HEATR4: variants seen among roughly 807,000 people sequenced by gnomAD.
HEATR4 encodes HEAT repeat containing 4.
A neutral mutation model predicts 108.8 loss-of-function variants in HEATR4; 95 were observed. That is an observed-to-expected ratio of 0.87 (90% CI 0.74 to 1.04). The LOEUF is 1.04. Ranked by LOEUF, HEATR4 falls within the 50% of genes least tolerant of loss-of-function variation. HEATR4 has a pLI of 0.00. For missense variants in HEATR4, 1,152 were observed against 1,253.8 expected (o/e 0.92, Z 1.23); for synonymous variants, 443 against 459.4 (o/e 0.96, Z 0.46).
At chr14:73,511,947 G>C in intron 7 of HEATR4, 59 bp downstream of exon 7, 1 of 1,606,906 alleles carries the variant, frequency 6.2e-7, no homozygotes, top group Non-Finnish European at 8.5e-7. Flanking sequence ...TACCAGTTCA[G>C]ATGTTCCATG....
the HEATR4 span, chr14:73,612,605 C>T: frequency 4.9e-6 from 7 of 1,417,030 alleles, no homozygotes; most frequent in South Asian, 1.4e-5. Context: ...GCCCGCGGGC[C>T]GCTGCTGCTG....
chr14:73,571,259 G>A, the HEATR4 span: 990 of 155,326 alleles, frequency 6.4e-3, 5 homozygotes, highest in African/African-American at 0.022. Flanking sequence ...TCTTGGCCTC[G>A]AATGGTATCT....
At position 73,492,986 on chromosome 14, in the gene HEATR4, C is replaced by T. The variant is rs1885877545; in HGVS notation, c.2844+80G>A. The T allele has an allele frequency of 1.3e-6, 2 of 1,586,250 alleles. No individual in the cohort carries two copies. Among genetic ancestry groups the T allele is most frequent in the Non-Finnish European group, 1.7e-6 (2 of 1,171,752 alleles). On this transcript the variant is annotated intron_variant, in intron 17 of 17. Transcript: ENST00000553558. This position sits in a 1 kb window ranked among gnomAD's most constrained non-coding sequence, Gnocchi z 4.9. ...GAAACAAGGCAGTAGTGATTCTCCG[C>T]TGCCACTGCTACCTTTTTTTTTTTT...
chr14:73,579,105 A>G, the HEATR4 span, among the ~76,000 whole-genome samples: 1,420 of 150,494 alleles, frequency 9.4e-3, 18 homozygotes, highest in African/African-American at 0.033. Context: ...AAAAAAAAAA[A>G]AACAGCCAGG....
At chr14:73,506,038 G>A (rs1424321564) in intron 10 of HEATR4, among the ~76,000 whole-genome samples, 5 of 151,702 alleles carry the variant, frequency 3.3e-5, no homozygotes, top group Admixed American at 1.3e-4. Flanking sequence ...TTATAGGCGC[G>A]TGCCACCACA....
chr14:73,515,172 G>C (rs983640481), intron 5 of HEATR4, among the ~76,000 whole-genome samples: 1 of 152,058 alleles, frequency 6.6e-6, no homozygotes. Context: ...AAGCTCTATG[G>C]AGAAGGGGAA....
At chr14:73,524,310 A>AAAAAAAAATATATATATAT in intron 2 of HEATR4, among the ~76,000 whole-genome samples, 1 of 54,782 alleles carries the variant, frequency 1.8e-5, no homozygotes, top group African/African-American at 8.8e-5. Context: ...AAAAAAAAAA[A>AAAAAAAAATATATATATAT]ATATATATAT....
chr14:73,585,884 A>C, the HEATR4 span, among the ~76,000 whole-genome samples: 26,457 of 142,302 alleles, frequency 0.19, 4,553 homozygotes, highest in African/African-American at 0.46. Flanking sequence ...GCAGCAGCGC[A>C]ATCTCGGCTA....
intron 1 of HEATR4, among the ~76,000 whole-genome samples, chr14:73,548,733 A>T (rs567470782): frequency 8.7e-6 from 1 of 114,600 alleles, no homozygotes; most frequent in Admixed American, 9.9e-5. Context: ...AAGGAAAAAA[A>T]GTCTTAAGGT....
chr14:73,532,854 C>T (rs1888749670), intron 1 of HEATR4, among the ~76,000 whole-genome samples: 1 of 113,292 alleles, frequency 8.8e-6, no homozygotes, highest in Non-Finnish European at 1.9e-5. Flanking sequence ...TACTTGGAGG[C>T]TGAGGCAGGA....
chr14:73,569,493 G>A, the HEATR4 span: 52 of 1,611,966 alleles, frequency 3.2e-5, no homozygotes, highest in South Asian at 4.6e-4. Context: ...GCGAATCGCC[G>A]TGCGCGGCCT....
At chr14:73,615,044 G>A in the HEATR4 span, among the ~76,000 whole-genome samples, 9 of 137,960 alleles carry the variant, frequency 6.5e-5, no homozygotes, top group South Asian at 2.3e-4. Flanking sequence ...AGCCAAGATC[G>A]CACCGTTGCA....
At chr14:73,595,008 A>G in the HEATR4 span, 673 of 1,603,936 alleles carry the variant, frequency 4.2e-4, 10 homozygotes, top group East Asian at 0.012. Context: ...CCCAATCTGG[A>G]TAAGTTATTG....
intron 10 of HEATR4, among the ~76,000 whole-genome samples, chr14:73,503,970 A>C (rs572001391): frequency 2.6e-4 from 39 of 152,288 alleles, no homozygotes; most frequent in African/African-American, 7.2e-4. Context: ...ATTCTAAGTG[A>C]CAAGTGCCAA....
the HEATR4 span, among the ~76,000 whole-genome samples, chr14:73,600,209 G>T: frequency 6.6e-6 from 1 of 152,046 alleles, no homozygotes; most frequent in Non-Finnish European, 1.5e-5. Flanking sequence ...GAAACACACC[G>T]GAGAACACGC....
intron 17 of HEATR4, among the ~76,000 whole-genome samples, chr14:73,485,687 A>G (rs1380729096): frequency 2.0e-5 from 3 of 152,212 alleles, no homozygotes; most frequent in African/African-American, 7.2e-5. Context: ...AGCCTGGCCA[A>G]CATGGCAAAA....
the HEATR4 span, among the ~76,000 whole-genome samples, chr14:73,564,721 GTTTTTTGT>G: frequency 1.2e-5 from 1 of 83,548 alleles, no homozygotes; most frequent in African/African-American, 5.1e-5. Flanking sequence ...TATCTTTTCT[GTTTTTTGT>G]TTTTTTTTTT....
rs1234079974 is a variant in HEATR4 at position 73,496,602 on chromosome 14, C to T, written c.2624G>A (p.Arg875Lys). ...NQEMLQEIKN[R>K]IKTLSQKDLL... Reference sequence around the variant, plus strand: ...AGAACAGAGCTTGCACTTATTTACCCTGTTCTTGATCTCCTGAAGCATTTC... The same window carrying T: ...AGAACAGAGCTTGCACTTATTTACCTTGTTCTTGATCTCCTGAAGCATTTC... Residue 875 changes from arginine (R) to lysine (K), a missense_variant and splice_region_variant, in exon 15 of 18, where the codon AGG (arginine) becomes AAG (lysine). Coordinates refer to ENST00000553558, the MANE Select transcript of HEATR4 (RefSeq NM_001220484.1). 1.9e-6 allele frequency: 3 copies of T among 1,589,794 alleles called. No homozygotes were observed. Among genetic ancestry groups the T allele is most frequent in the Non-Finnish European group, 2.6e-6 (3 of 1,157,942 alleles).
the HEATR4 span, chr14:73,569,434 C>T: frequency 3.1e-6 from 5 of 1,613,734 alleles, no homozygotes; most frequent in Non-Finnish European, 4.2e-6. Context: ...CGGATGGCGG[C>T]GACGCTGATC....
Sources: gnomAD v4.1 joint callset for allele counts (sites outside exome capture counted in the v4.1 genomes callset) on GRCh38, gnomAD v4.1.1 for gene constraint, Gnocchi (gnomAD v3.1) non-coding constraint, MANE v1.5 for transcripts, NCBI Gene and HGNC (gene_info 2026-07-23, HGNC 2026-07-21) for gene names.